TRPS1: variants seen among roughly 807,000 people sequenced by gnomAD.
TRPS1 encodes transcriptional repressor GATA binding 1, also known as zinc finger transcription factor Trps1.
TRPS1 carries 6 observed loss-of-function variants against 101.2 expected under a neutral mutation model. The observed-to-expected ratio is 0.06, with a 90% CI of 0.03 to 0.12. The LOEUF (loss-of-function observed/expected upper bound fraction) is 0.12. Ranked by LOEUF, TRPS1 falls within the 10% of genes least tolerant of loss-of-function variation. TRPS1 has a pLI of 1.00. For synonymous variants in TRPS1, 578 were observed against 589.8 expected (o/e 0.98, Z 0.29); for missense variants, 1,363 against 1,567.0 (o/e 0.87, Z 2.20).
intron 5 of TRPS1, among the ~76,000 whole-genome samples, chr8:115,562,529 A>C (rs1049428336): frequency 1.3e-5 from 2 of 151,756 alleles, no homozygotes; most frequent in African/African-American, 2.4e-5. Flanking sequence ...AAAAAAGCTT[A>C]AACAATACTG....
intron 5 of TRPS1, among the ~76,000 whole-genome samples, chr8:115,562,748 A>T (rs918949059): frequency 2.0e-5 from 3 of 152,012 alleles, no homozygotes; most frequent in African/African-American, 7.2e-5. Context: ...AAACAAAAGG[A>T]GAAAAAAAGG....
At chr8:115,443,933 T>C (rs1586278929) in intron 5 of TRPS1, among the ~76,000 whole-genome samples, 1 of 152,308 alleles carries the variant, frequency 6.6e-6, no homozygotes, top group East Asian at 1.9e-4. Context: ...TTTTGTCACC[T>C]TTCTAAAAAC....
At chr8:115,613,147 A>C (rs1201036423) in intron 3 of TRPS1, among the ~76,000 whole-genome samples, 2 of 152,204 alleles carry the variant, frequency 1.3e-5, no homozygotes, top group African/African-American at 4.8e-5. Flanking sequence ...AATGTCCCTT[A>C]ATTTGGGGAT....
intron 5 of TRPS1, among the ~76,000 whole-genome samples, chr8:115,557,665 C>A (rs1816854021): frequency 6.6e-6 from 1 of 152,126 alleles, no homozygotes; most frequent in Non-Finnish European, 1.5e-5. Flanking sequence ...GCCTTCCCAG[C>A]CATAAAGAAC....
At chr8:115,636,346 C>T (rs1818766816) in intron 1 of TRPS1, among the ~76,000 whole-genome samples, 1 of 152,060 alleles carries the variant, frequency 6.6e-6, no homozygotes, top group Admixed American at 6.6e-5. Context: ...AAATAAAGTA[C>T]CAATGCAACC....
chr8:115,515,329 C>T, intron 5 of TRPS1: 1 of 691,534 alleles, frequency 1.4e-6, no homozygotes, highest in Middle Eastern at 2.4e-4. Context: ...TTAGAATTAG[C>T]TCACTATTTA....
At chr8:115,539,536 G>A (rs1370784860) in intron 5 of TRPS1, among the ~76,000 whole-genome samples, 1 of 152,122 alleles carries the variant, frequency 6.6e-6, no homozygotes, top group Admixed American at 6.5e-5. Context: ...CTGAAGATGG[G>A]TCAATTGAGA....
At chr8:115,534,215 A>C (rs950807006) in intron 5 of TRPS1, among the ~76,000 whole-genome samples, 2 of 151,102 alleles carry the variant, frequency 1.3e-5, no homozygotes, top group African/African-American at 4.9e-5. Flanking sequence ...CTCTAACTGC[A>C]GTACCATCAC....
intron 1 of TRPS1, among the ~76,000 whole-genome samples, chr8:115,659,837 A>T (rs1342162818): frequency 6.6e-6 from 1 of 151,948 alleles, no homozygotes; most frequent in Non-Finnish European, 1.5e-5. Context: ...TTAACCCTCA[A>T]ATAGGTGTTG....
chr8:115,658,445 G>C (rs1325851127), intron 1 of TRPS1, among the ~76,000 whole-genome samples: 1 of 152,092 alleles, frequency 6.6e-6, no homozygotes, highest in African/African-American at 2.4e-5. Flanking sequence ...TGTTATCATG[G>C]ATTATACAGT....
At chr8:115,431,983 T>C (rs1029618216) in intron 5 of TRPS1, among the ~76,000 whole-genome samples, 2 of 151,854 alleles carry the variant, frequency 1.3e-5, no homozygotes, top group Non-Finnish European at 3.0e-5. Context: ...ATAATATGTA[T>C]AGGCATATAC....
intron 1 of TRPS1, chr8:115,667,936 T>C (rs1194475998): frequency 5.2e-6 from 8 of 1,533,324 alleles, no homozygotes; most frequent in African/African-American, 1.4e-5. Flanking sequence ...AAACTTGCAG[T>C]GGCGGCGGCG....
At chr8:115,426,787 C>A (rs1297720591) in intron 5 of TRPS1, among the ~76,000 whole-genome samples, 1 of 152,176 alleles carries the variant, frequency 6.6e-6, no homozygotes, top group Non-Finnish European at 1.5e-5. Flanking sequence ...TGAGTGCCGA[C>A]TGATCCAGAT....
chr8:115,467,395 A>G (rs1195680275), intron 5 of TRPS1, among the ~76,000 whole-genome samples: 1 of 151,880 alleles, frequency 6.6e-6, no homozygotes. Flanking sequence ...GTGTGAATGG[A>G]GGATGCTCTT....
chr8:115,513,435 T>C (rs1369281253), intron 5 of TRPS1, among the ~76,000 whole-genome samples: 1 of 151,726 alleles, frequency 6.6e-6, no homozygotes, highest in Non-Finnish European at 1.5e-5. Flanking sequence ...CTTAGGCTTC[T>C]TGTAAAGAAA....
chr8:115,609,599 A>G (rs1190201626), intron 3 of TRPS1, among the ~76,000 whole-genome samples: 1 of 152,212 alleles, frequency 6.6e-6, no homozygotes, highest in Non-Finnish European at 1.5e-5. Context: ...CCTGGCATAC[A>G]TGGCCTTCTT....
rs148552411 is a variant in TRPS1 at position 115,418,917 on chromosome 8, A to G, written c.2701-465T>C. Among the ~76,000 whole-genome samples the G allele has an allele frequency of 3.3e-5, 5 of 152,328 alleles. No homozygotes were observed. The highest frequency in any genetic ancestry group is 7.4e-5 in the Non-Finnish European group (5 of 68,020). On this transcript the variant is annotated intron_variant, in intron 5 of 6. Transcript: ENST00000395715. The surrounding 1 kb of genome is among the most constrained non-coding windows in gnomAD (Gnocchi z 4.3). ...TTAAACTTGATTTGTGTGTTTTTGTATGTCATTCATGTAACGTAAGTATTA... is the reference window on the plus strand; with the variant it reads ...TTAAACTTGATTTGTGTGTTTTTGTGTGTCATTCATGTAACGTAAGTATTA...
chr8:115,430,484 GCTT>G (rs2129826290), intron 5 of TRPS1, among the ~76,000 whole-genome samples: 1 of 152,006 alleles, frequency 6.6e-6, no homozygotes, highest in South Asian at 2.1e-4. Context: ...CAAGCATTAT[GCTT>G]TAAGCATACC....
chr8:115,436,936 A>G (rs187224703), intron 5 of TRPS1, among the ~76,000 whole-genome samples: 292 of 138,396 alleles, frequency 2.1e-3, no homozygotes, highest in Non-Finnish European at 3.7e-3. Flanking sequence ...AAATAAAAAA[A>G]AAGTCAATAC....
Sources: allele counts gnomAD v4.1 joint callset (sites outside exome capture counted in the v4.1 genomes callset), GRCh38; gene constraint gnomAD v4.1.1; non-coding constraint Gnocchi (gnomAD v3.1); transcripts MANE v1.5; gene names NCBI Gene and HGNC (gene_info 2026-07-23, HGNC 2026-07-21).